Variants in CTNND2 observed in about 807,000 individuals in gnomAD.
CTNND2 encodes the protein catenin delta 2.
A neutral mutation model predicts 144.4 loss-of-function variants in CTNND2; 22 were observed. The ratio of observed to expected loss-of-function variants is 0.15; its 90% CI spans 0.11 to 0.22. CTNND2 has a LOEUF of 0.22. Ranked by LOEUF, CTNND2 falls within the 10% of genes least tolerant of loss-of-function variation. The pLI, the probability that CTNND2 is intolerant of heterozygous loss-of-function variation, is 1.00. For missense variants in CTNND2, 1,353 were observed against 1,618.8 expected (o/e 0.84, Z 2.82); for synonymous variants, 751 against 695.6 (o/e 1.08, Z -1.25).
chr5:11,528,272 T>C (rs1211164423), intron 3 of CTNND2, among the ~76,000 whole-genome samples: 5 of 152,212 alleles, frequency 3.3e-5, no homozygotes, highest in Non-Finnish European at 7.3e-5. Flanking sequence ...CAGAAGCTTT[T>C]GGAGTTGAGA....
At chr5:11,288,627 C>G (rs1289431712) in intron 9 of CTNND2, among the ~76,000 whole-genome samples, 1 of 151,980 alleles carries the variant, frequency 6.6e-6, no homozygotes, top group Non-Finnish European at 1.5e-5. Context: ...CAAGGTACCA[C>G]AGAGGTAAAC....
intron 2 of CTNND2, among the ~76,000 whole-genome samples, chr5:11,709,310 T>G (rs1166897328): frequency 6.6e-6 from 1 of 152,202 alleles, no homozygotes; most frequent in Non-Finnish European, 1.5e-5. Flanking sequence ...ATAGCTGCTA[T>G]TCTTTAGGAA....
intron 1 of CTNND2, among the ~76,000 whole-genome samples, chr5:11,827,974 C>G (rs1404324539): frequency 6.6e-6 from 1 of 152,160 alleles, no homozygotes; most frequent in Non-Finnish European, 1.5e-5. Context: ...CAGAACAGTA[C>G]AGTCCAAAAC....
At chr5:11,519,838 G>A (rs921011600) in intron 3 of CTNND2, among the ~76,000 whole-genome samples, 2 of 151,956 alleles carry the variant, frequency 1.3e-5, no homozygotes, top group African/African-American at 4.8e-5. Flanking sequence ...AGGAGTGACT[G>A]TTGAAAATAT....
Position 11,879,341 on chromosome 5 carries a change from G to GTATATATATA in CTNND2, c.37+24466_37+24475dup, listed in dbSNP as rs1411823676. Among the ~76,000 whole-genome samples the GTATATATATA allele has an allele frequency of 5.4e-3, 587 of 109,374 alleles. 28 individuals carry two copies. Among genetic ancestry groups the GTATATATATA allele is most frequent in the African/African-American group, 0.017 (554 of 33,574 alleles). 71.8% of individuals were successfully genotyped at this position (109,374 alleles called of 152,430 possible). ...AAGTGTATTAAAAAATTAAATGTGT[G>GTATATATATA]TATATATATATATATACATATACAC... is the stretch of plus-strand genomic sequence containing the variant. On this transcript the variant is annotated intron_variant, in intron 1 of 21. Coordinates refer to ENST00000304623, the MANE Select transcript of CTNND2 (RefSeq NM_001332.4).
At chr5:11,135,656 A>G in intron 12 of CTNND2, among the ~76,000 whole-genome samples, 1 of 152,242 alleles carries the variant, frequency 6.6e-6, no homozygotes, top group Admixed American at 6.5e-5. Context: ...AATCAAATAC[A>G]TAGTGTTAGG....
At chr5:11,473,227 T>C (rs1294183265) in intron 3 of CTNND2, among the ~76,000 whole-genome samples, 3 of 152,168 alleles carry the variant, frequency 2.0e-5, no homozygotes, top group Non-Finnish European at 4.4e-5. Flanking sequence ...GACAATTACA[T>C]TCTCAAAGAT....
chr5:11,800,612 C>T (rs1470240565), intron 1 of CTNND2, among the ~76,000 whole-genome samples: 2 of 152,094 alleles, frequency 1.3e-5, no homozygotes, highest in East Asian at 1.9e-4. Flanking sequence ...CATACCCTTC[C>T]GTCCATTAGA....
intron 10 of CTNND2, among the ~76,000 whole-genome samples, chr5:11,207,533 G>T (rs914275017): frequency 8.5e-5 from 13 of 152,068 alleles, no homozygotes; most frequent in African/African-American, 2.9e-4. Context: ...GATGGTGAGG[G>T]CTGACACATT....
chr5:11,408,594 C>T (rs1206516450), intron 5 of CTNND2, among the ~76,000 whole-genome samples: 1 of 152,020 alleles, frequency 6.6e-6, no homozygotes, highest in Non-Finnish European at 1.5e-5. Context: ...CAACTAAAAT[C>T]CTAGGAGTCT....
intron 6 of CTNND2, among the ~76,000 whole-genome samples, chr5:11,395,459 T>C (rs986396835): frequency 3.3e-5 from 5 of 152,224 alleles, no homozygotes; most frequent in African/African-American, 9.6e-5. Flanking sequence ...AGTCTACCAG[T>C]AACCTTTGCC....
intron 1 of CTNND2, among the ~76,000 whole-genome samples, chr5:11,777,966 C>T (rs1445754961): frequency 1.3e-5 from 2 of 152,046 alleles, no homozygotes; most frequent in African/African-American, 4.8e-5. Context: ...ATTTTTTGGA[C>T]CAATCAGTCT....
chr5:11,140,111 C>T (rs138431837), intron 12 of CTNND2, among the ~76,000 whole-genome samples: 5 of 152,304 alleles, frequency 3.3e-5, no homozygotes, highest in Admixed American at 1.3e-4. Flanking sequence ...TTTTCCCTTG[C>T]CATGTAATTT....
intron 10 of CTNND2, among the ~76,000 whole-genome samples, chr5:11,219,995 A>G (rs1040972483): frequency 3.3e-5 from 5 of 152,160 alleles, no homozygotes; most frequent in African/African-American, 1.2e-4. Context: ...CTCCATCTTG[A>G]AAGGGGAGCT....
intron 3 of CTNND2, among the ~76,000 whole-genome samples, chr5:11,538,927 C>T (rs981580724): frequency 1.4e-4 from 22 of 152,028 alleles, no homozygotes; most frequent in African/African-American, 5.3e-4. Flanking sequence ...AATGGAATCC[C>T]AAAAAGCCAT....
intron 3 of CTNND2, among the ~76,000 whole-genome samples, chr5:11,525,226 C>T (rs548569102): frequency 1.3e-5 from 2 of 152,180 alleles, no homozygotes; most frequent in East Asian, 3.9e-4. Flanking sequence ...TCATCCTTAG[C>T]CCAACTCACA....
At chr5:11,469,707 T>TG (rs1461754320) in intron 3 of CTNND2, among the ~76,000 whole-genome samples, 2 of 152,236 alleles carry the variant, frequency 1.3e-5, no homozygotes. Context: ...ACATAATTTA[T>TG]TTTTCTTAGG....
At chr5:11,018,166 G>T (rs1741828890) in intron 17 of CTNND2, 108 bp from the exon 18 acceptor site, 2 of 737,202 alleles carry the variant, frequency 2.7e-6, no homozygotes, top group East Asian at 5.5e-5. Flanking sequence ...TATCTATTAT[G>T]GTGATCTATG....
At chr5:11,692,027 C>T (rs1784931635) in intron 2 of CTNND2, among the ~76,000 whole-genome samples, 1 of 152,084 alleles carries the variant, frequency 6.6e-6, no homozygotes, top group Non-Finnish European at 1.5e-5. Flanking sequence ...AGCTAATCAA[C>T]AAAAACTGTA....
Sources: gnomAD v4.1 joint callset for allele counts (sites outside exome capture counted in the v4.1 genomes callset) on GRCh38, gnomAD v4.1.1 for gene constraint, MANE v1.5 for transcripts, NCBI Gene and HGNC (gene_info 2026-07-23, HGNC 2026-07-21) for gene names.